Variants in SLC35D4 observed in about 807,000 individuals in gnomAD.
SLC35D4 encodes the protein UDP-N-acetylglucosamine transporter SLC35D4.
chr18:23,349,754 C>T, the SLC35D4 span, among the ~76,000 whole-genome samples: 10 of 152,334 alleles, frequency 6.6e-5, no homozygotes, highest in Middle Eastern at 0.01. Context: ...TCTTCTGCCA[C>T]GTCAAATCTG....
At chr18:23,329,310 G>C in the SLC35D4 span, among the ~76,000 whole-genome samples, 4 of 152,072 alleles carry the variant, frequency 2.6e-5, no homozygotes, top group African/African-American at 9.7e-5. Context: ...CTATCCTTCT[G>C]ACAAAGGGCT....
the SLC35D4 span, among the ~76,000 whole-genome samples, chr18:23,432,934 C>A: frequency 1.5e-5 from 2 of 136,990 alleles, no homozygotes; most frequent in East Asian, 2.2e-4. Flanking sequence ...GGGCCAAGAT[C>A]ATACCACTGC....
the SLC35D4 span, among the ~76,000 whole-genome samples, chr18:23,347,685 A>G: frequency 6.6e-6 from 1 of 152,146 alleles, no homozygotes; most frequent in Non-Finnish European, 1.5e-5. Context: ...TTGGCCTCCC[A>G]AAGTGCTTGG....
At chr18:23,310,894 C>CA in the SLC35D4 span, among the ~76,000 whole-genome samples, 7 of 152,096 alleles carry the variant, frequency 4.6e-5, no homozygotes, top group African/African-American at 1.4e-4. Context: ...TGATTTGTAG[C>CA]AAAAACCTTG....
At chr18:23,308,876 CTGTGTGTG>C in the SLC35D4 span, among the ~76,000 whole-genome samples, 16 of 139,986 alleles carry the variant, frequency 1.1e-4, no homozygotes, top group Admixed American at 8.0e-4. Context: ...CTCTCTCTCT[CTGTGTGTG>C]TGTGTGTGTG....
the SLC35D4 span, among the ~76,000 whole-genome samples, chr18:23,367,528 A>C: frequency 4.6e-5 from 7 of 152,176 alleles, no homozygotes; most frequent in African/African-American, 1.7e-4. Flanking sequence ...AATGGGGCTC[A>C]CACCAAAGGA....
the SLC35D4 span, among the ~76,000 whole-genome samples, chr18:23,419,733 G>A: frequency 2.0e-5 from 3 of 152,074 alleles, no homozygotes; most frequent in Admixed American, 1.3e-4. Context: ...GGCAAAATAC[G>A]GTCTTTAAAT....
chr18:23,372,117 A>C, the SLC35D4 span, among the ~76,000 whole-genome samples: 3 of 147,714 alleles, frequency 2.0e-5, no homozygotes, highest in Non-Finnish European at 4.5e-5. Flanking sequence ...TTGTATTTTT[A>C]GTAGAGACGG....
chr18:23,329,187 A>T, the SLC35D4 span, among the ~76,000 whole-genome samples: 4 of 152,360 alleles, frequency 2.6e-5, no homozygotes, highest in South Asian at 8.3e-4. Flanking sequence ...AATGGCAGCA[A>T]AAGCCAAAAT....
At chr18:23,406,327 T>C in the SLC35D4 span, among the ~76,000 whole-genome samples, 1 of 152,140 alleles carries the variant, frequency 6.6e-6, no homozygotes, top group Non-Finnish European at 1.5e-5. Flanking sequence ...ATAAGCCATG[T>C]CATGGGCGGC....
the SLC35D4 span, among the ~76,000 whole-genome samples, chr18:23,421,745 C>T: frequency 6.7e-6 from 1 of 148,250 alleles, no homozygotes; most frequent in Non-Finnish European, 1.5e-5. Context: ...GTTGCAATCT[C>T]GGCTCACTGC....
chr18:23,307,678 CTT>C, the SLC35D4 span, among the ~76,000 whole-genome samples: 1 of 152,242 alleles, frequency 6.6e-6, no homozygotes, highest in East Asian at 1.9e-4. Context: ...GACAGTAGTA[CTT>C]TCTCTGTGCA....
chr18:23,394,808 G>C, the SLC35D4 span, among the ~76,000 whole-genome samples: 3 of 151,734 alleles, frequency 2.0e-5, no homozygotes, highest in African/African-American at 7.3e-5. Context: ...TTCATCTCTA[G>C]TATTTTTTAT....
chr18:23,386,351 G>A, the SLC35D4 span, among the ~76,000 whole-genome samples: 32 of 152,134 alleles, frequency 2.1e-4, no homozygotes, highest in African/African-American at 7.2e-4. Context: ...GCACAGAGAA[G>A]GGGCAATGTG....
the SLC35D4 span, among the ~76,000 whole-genome samples, chr18:23,304,906 C>T: frequency 1.2e-4 from 18 of 152,192 alleles, no homozygotes; most frequent in Non-Finnish European, 2.9e-5. Flanking sequence ...CACTCCTGGC[C>T]TCTCTCCCTT....
chr18:23,366,639 G>A, the SLC35D4 span, among the ~76,000 whole-genome samples: 1 of 152,316 alleles, frequency 6.6e-6, no homozygotes, highest in African/African-American at 2.4e-5. Context: ...CTAGTTGGTG[G>A]TGACACCCTA....
the SLC35D4 span, among the ~76,000 whole-genome samples, chr18:23,326,315 G>A: frequency 1.9e-4 from 29 of 152,096 alleles, no homozygotes; most frequent in East Asian, 1.9e-4. Flanking sequence ...CCCATCTCAC[G>A]TGCAAAGACG....
At chr18:23,247,581 A>T in the SLC35D4 span, among the ~76,000 whole-genome samples, 1 of 152,222 alleles carries the variant, frequency 6.6e-6, no homozygotes, top group Non-Finnish European at 1.5e-5. Flanking sequence ...CGCTGTCGAC[A>T]TCAAGTGGAT....
At chr18:23,402,402 G>A in the SLC35D4 span, among the ~76,000 whole-genome samples, 1,114 of 152,164 alleles carry the variant, frequency 7.3e-3, 10 homozygotes, top group African/African-American at 0.026. Context: ...TGCAAGAAAC[G>A]GACACCAGTC....
Sources: gnomAD v4.1 joint callset for allele counts (sites outside exome capture counted in the v4.1 genomes callset) on GRCh38, gnomAD v4.1.1 for gene constraint, MANE v1.5 for transcripts, NCBI Gene and HGNC (gene_info 2026-07-23, HGNC 2026-07-21) for gene names.